SDK1: variants seen among roughly 807,000 people sequenced by gnomAD.
SDK1 encodes protein sidekick-1.
Under a neutral mutation model 245.5 loss-of-function variants are expected in SDK1, and 157 were observed. The ratio of observed to expected loss-of-function variants is 0.64; its 90% confidence interval spans 0.56 to 0.73. SDK1 has a LOEUF of 0.73. Ranked by LOEUF, SDK1 falls within the 30% of genes least tolerant of loss-of-function variation. The pLI is 0.00. For missense variants in SDK1, 3,583 were observed against 3,002.3 expected (o/e 1.19, Z -4.52); for synonymous variants, 1,647 against 1,278.5 (o/e 1.29, Z -6.15).
intron 28 of SDK1, among the ~76,000 whole-genome samples, chr7:4,143,002 G>A (rs961777732): frequency 3.3e-5 from 5 of 152,146 alleles, no homozygotes; most frequent in Admixed American, 3.3e-4. Context: ...ACATTGTTGG[G>A]GAATTTACAT....
chr7:3,509,395 G>A (rs766814143), intron 1 of SDK1, among the ~76,000 whole-genome samples: 1 of 152,146 alleles, frequency 6.6e-6, no homozygotes, highest in Non-Finnish European at 1.5e-5. Flanking sequence ...TTACTTTTCT[G>A]TGTGTGTTTC....
intron 4 of SDK1, among the ~76,000 whole-genome samples, chr7:3,759,672 A>C (rs1986132): frequency 0.4 from 60,667 of 151,050 alleles, 12,399 homozygotes; most frequent in Middle Eastern, 0.5. Context: ...GCTCATTGCA[A>C]CCTCCACCTC....
intron 4 of SDK1, among the ~76,000 whole-genome samples, chr7:3,673,601 T>A (rs1183912125): frequency 6.6e-6 from 1 of 152,248 alleles, no homozygotes; most frequent in East Asian, 1.9e-4. Context: ...GACTTACCCC[T>A]TTTTATTTCT....
Position 3,733,207 on chromosome 7 carries a change from C to T in SDK1, c.714-88243C>T, listed in dbSNP as rs139030037. Among the ~76,000 whole-genome samples the T allele has an allele frequency of 1.7e-3, 256 of 152,204 alleles. 1 individual carries two copies. The highest frequency in any genetic ancestry group is 0.014 in the Middle Eastern group (4 of 294). ...TTTAAAGAATATTTTAATTTATTAC[C>T]TTATGTCCTTAAATAGGTCCCTTGA... On this transcript the variant is annotated intron_variant, in intron 4 of 44. Coordinates refer to ENST00000404826, the MANE Select transcript of SDK1 (RefSeq NM_152744.4).
At chr7:3,485,776 T>A (rs982629901) in intron 1 of SDK1, among the ~76,000 whole-genome samples, 1 of 147,092 alleles carries the variant, frequency 6.8e-6, no homozygotes, top group African/African-American at 2.5e-5. Flanking sequence ...TCTATATTCA[T>A]AAGTGCTATT....
intron 4 of SDK1, among the ~76,000 whole-genome samples, chr7:3,693,930 A>G (rs145326936): frequency 1.3e-5 from 2 of 152,270 alleles, no homozygotes; most frequent in African/African-American, 4.8e-5. Flanking sequence ...GACTGTGTCC[A>G]TGCTCTGACA....
chr7:4,244,877 C>T (rs1044463332), intron 43 of SDK1, among the ~76,000 whole-genome samples: 7 of 152,206 alleles, frequency 4.6e-5, no homozygotes, highest in Non-Finnish European at 7.3e-5. Context: ...GGAGGCCGCT[C>T]ATGGTCCCCT....
chr7:3,863,075 G>T (rs966860615), intron 5 of SDK1, among the ~76,000 whole-genome samples: 1 of 152,190 alleles, frequency 6.6e-6, no homozygotes, highest in Non-Finnish European at 1.5e-5. Flanking sequence ...GGCCTGGAGG[G>T]TGGGGACCCC....
chr7:4,125,388 G>A (rs1369307766), intron 25 of SDK1, among the ~76,000 whole-genome samples: 1 of 148,496 alleles, frequency 6.7e-6, no homozygotes, highest in Non-Finnish European at 1.5e-5. Flanking sequence ...TGATGGGTGG[G>A]TGGATGGATG....
At chr7:3,873,534 C>T (rs528674683) in intron 5 of SDK1, among the ~76,000 whole-genome samples, 3 of 152,098 alleles carry the variant, frequency 2.0e-5, no homozygotes, top group African/African-American at 4.8e-5. Flanking sequence ...GCCATTTCTT[C>T]TGTCCCTTCT....
At chr7:3,503,059 G>C (rs1782269265) in intron 1 of SDK1, among the ~76,000 whole-genome samples, 1 of 152,172 alleles carries the variant, frequency 6.6e-6, no homozygotes, top group Non-Finnish European at 1.5e-5. Context: ...CATTGTATTA[G>C]CTAATGTTTT....
At chr7:4,126,519 G>A (rs985734959) in intron 25 of SDK1, among the ~76,000 whole-genome samples, 11 of 152,136 alleles carry the variant, frequency 7.2e-5, no homozygotes, top group Admixed American at 2.6e-4. Flanking sequence ...TCAGGCATTC[G>A]AGACCAGCCT....
At position 3,620,962 on chromosome 7, in the gene SDK1, C is replaced by T. The variant is rs74892010; in HGVS notation, c.458+1723C>T. Among the ~76,000 whole-genome samples, 627 of 152,172 alleles carry T rather than the reference C, an allele frequency of 4.1e-3. 4 individuals carry two copies. The highest frequency in any genetic ancestry group is 0.014 in the African/African-American group (585 of 41,514). ...ATGTTGAAATCAAACAGTCCTGAAT[C>T]CTAGGACTGGCAGAATTCAGCTCCA... On this transcript the variant is annotated intron_variant, in intron 2 of 44. Transcript: ENST00000404826.
intron 14 of SDK1, among the ~76,000 whole-genome samples, chr7:3,996,767 C>T (rs1184825550): frequency 1.3e-5 from 2 of 152,150 alleles, no homozygotes; most frequent in African/African-American, 4.8e-5. Flanking sequence ...TCAAGGTAGA[C>T]GATCATATCT....
At chr7:4,038,059 G>T (rs573280698) in intron 17 of SDK1, among the ~76,000 whole-genome samples, 1 of 152,308 alleles carries the variant, frequency 6.6e-6, no homozygotes, top group South Asian at 2.1e-4. Flanking sequence ...AGGCTGCCCA[G>T]CTCACAGCTG....
At chr7:3,650,983 C>G (rs558222471) in intron 4 of SDK1, among the ~76,000 whole-genome samples, 2 of 151,964 alleles carry the variant, frequency 1.3e-5, no homozygotes, top group South Asian at 2.1e-4. Context: ...TGGATTGTAT[C>G]CAGTTTTTGG....
At chr7:3,632,737 C>G (rs1208747587) in intron 2 of SDK1, among the ~76,000 whole-genome samples, 2 of 152,184 alleles carry the variant, frequency 1.3e-5, no homozygotes, top group Non-Finnish European at 2.9e-5. Flanking sequence ...GAACTAAAAA[C>G]ATAACCTCAG....
chr7:3,480,850 T>A (rs560799083), intron 1 of SDK1, among the ~76,000 whole-genome samples: 11 of 152,272 alleles, frequency 7.2e-5, no homozygotes, highest in African/African-American at 2.4e-4. Flanking sequence ...AAAGGCAGCT[T>A]TGTTGGTTGT....
At chr7:3,507,327 C>T (rs764960587) in intron 1 of SDK1, among the ~76,000 whole-genome samples, 5 of 152,154 alleles carry the variant, frequency 3.3e-5, no homozygotes, top group Non-Finnish European at 5.9e-5. Flanking sequence ...GGACCTCTTT[C>T]TTTGTAGAAC....
Sources: allele counts gnomAD v4.1 joint callset (sites outside exome capture counted in the v4.1 genomes callset), GRCh38; gene constraint gnomAD v4.1.1; transcripts MANE v1.5; gene names NCBI Gene and HGNC (gene_info 2026-07-23, HGNC 2026-07-21).